METAP1: variants seen among roughly 807,000 people sequenced by gnomAD.
METAP1 encodes methionine aminopeptidase 1.
Under a neutral mutation model 53.8 loss-of-function variants are expected in METAP1, and 28 were observed. The observed-to-expected ratio is 0.52, with a 90% CI of 0.39 to 0.71. The LOEUF (loss-of-function observed/expected upper bound fraction) is 0.71, where lower values mean the gene tolerates loss of function less well. Among genes scored for constraint, METAP1 ranks in the 30% least tolerant of loss-of-function variants. The pLI, the probability that METAP1 is intolerant of heterozygous loss-of-function variation, is 0.00. For missense variants in METAP1, 389 were observed against 479.8 expected, an observed-to-expected ratio of 0.81 and a Z score of 1.77; for synonymous variants, 181 against 165.7, an observed-to-expected ratio of 1.09 and a Z score of -0.71.
chr4:99,054,036 T>C (rs2110418287), intron 9 of METAP1, among the ~76,000 whole-genome samples: 1 of 149,094 alleles, frequency 6.7e-6, no homozygotes, highest in Non-Finnish European at 1.5e-5. Context: ...TCTTTAGGAA[T>C]GGTAGATGAG....
intron 9 of METAP1, among the ~76,000 whole-genome samples, chr4:99,050,450 G>A (rs1726609909): frequency 6.6e-6 from 1 of 152,204 alleles, no homozygotes; most frequent in Admixed American, 6.5e-5. Flanking sequence ...GCAGGTGTGA[G>A]GTGGTAAAAT....
chr4:99,019,958 T>C (rs1723987682), intron 1 of METAP1, among the ~76,000 whole-genome samples: 1 of 152,294 alleles, frequency 6.6e-6, no homozygotes, highest in Middle Eastern at 3.4e-3. Flanking sequence ...GGGGTCTGGG[T>C]GCAGACTCCT....
chr4:99,004,510 C>T (rs1360499629), intron 1 of METAP1, among the ~76,000 whole-genome samples: 1 of 114,552 alleles, frequency 8.7e-6, no homozygotes, highest in Non-Finnish European at 2.0e-5. Flanking sequence ...CACACACACA[C>T]ACAAAATAAC....
At chr4:99,023,492 G>A (rs980963124) in intron 1 of METAP1, 26 of 985,102 alleles carry the variant, frequency 2.6e-5, no homozygotes, top group Non-Finnish European at 3.1e-5. Context: ...AACATTGTAT[G>A]GTGTGCTTAT....
At chr4:99,007,376 C>CT (rs1352862670) in intron 1 of METAP1, among the ~76,000 whole-genome samples, 3 of 151,872 alleles carry the variant, frequency 2.0e-5, no homozygotes, top group Admixed American at 1.3e-4. Flanking sequence ...TGCACAGGTA[C>CT]TTTTTTTTAA....
At chr4:99,003,777 A>G (rs573699602) in intron 1 of METAP1, among the ~76,000 whole-genome samples, 141 of 152,270 alleles carry the variant, frequency 9.3e-4, no homozygotes, top group Non-Finnish European at 1.7e-3. Flanking sequence ...AACCAAACCT[A>G]TGGGGGTTTC....
intron 2 of METAP1, among the ~76,000 whole-genome samples, chr4:99,031,862 T>A (rs371772411): frequency 1.4e-4 from 21 of 152,232 alleles, no homozygotes; most frequent in African/African-American, 5.1e-4. Flanking sequence ...TATCACGTAC[T>A]TATGACACTA....
At chr4:98,998,339 A>G (rs1159537923) in intron 1 of METAP1, among the ~76,000 whole-genome samples, 1 of 152,126 alleles carries the variant, frequency 6.6e-6, no homozygotes, top group Non-Finnish European at 1.5e-5. Flanking sequence ...ACTGGGCAAC[A>G]TGTCAAAACC....
rs74704546 is a variant in METAP1, at chr4:99,026,913, A to G, written c.115-1954A>G. 2,114 of 897,548 alleles carry G rather than the reference A, an allele frequency of 2.4e-3. 37 individuals carry two copies. The African/African-American group carries it at 0.036, about 15-fold the overall frequency. 55.6% of individuals were successfully genotyped at this position (897,548 alleles called of 1,614,324 possible). A position where few individuals can be genotyped will look rare whatever the true frequency, so the allele number is the denominator to read the frequency against. On this transcript the variant is annotated intron_variant, in intron 1 of 10. Transcript: ENST00000296411. ...TATTTTGGTTACTTTATGCTCATATATCTTGAAATACAAGCCCTTAGCTAA... is the reference window on the plus strand; with the variant it reads ...TATTTTGGTTACTTTATGCTCATATGTCTTGAAATACAAGCCCTTAGCTAA...
chr4:99,051,381 G>A (rs1282837076), intron 9 of METAP1, among the ~76,000 whole-genome samples: 1 of 152,082 alleles, frequency 6.6e-6, no homozygotes. Context: ...CAAAGACCCA[G>A]GTGTACTTTA....
chr4:99,017,868 C>A (rs1264258910), intron 1 of METAP1, among the ~76,000 whole-genome samples: 1 of 152,232 alleles, frequency 6.6e-6, no homozygotes, highest in African/African-American at 2.4e-5. Context: ...GACAGAAAGG[C>A]AACTGGTTGC....
chr4:99,022,603 G>A, intron 1 of METAP1: 1 of 694,108 alleles, frequency 1.4e-6, no homozygotes, highest in Non-Finnish European at 2.6e-6. Context: ...CTTGGCCTGA[G>A]TGACCTCCAC....
At chr4:99,038,332 G>A (rs944010033) in intron 4 of METAP1, among the ~76,000 whole-genome samples, 2 of 151,832 alleles carry the variant, frequency 1.3e-5, no homozygotes, top group Non-Finnish European at 1.5e-5. Context: ...TAATAGTGCC[G>A]ATAGTGGGCA....
chr4:99,041,803 G>C (rs1209537315), intron 6 of METAP1, among the ~76,000 whole-genome samples: 1 of 151,416 alleles, frequency 6.6e-6, no homozygotes, highest in Non-Finnish European at 1.5e-5. Flanking sequence ...CTTCTGCTTG[G>C]TGATGGTATT....
At chr4:99,050,841 T>A (rs995012301) in intron 9 of METAP1, among the ~76,000 whole-genome samples, 1 of 152,188 alleles carries the variant, frequency 6.6e-6, no homozygotes, top group Admixed American at 6.5e-5. Flanking sequence ...CCTCCTGGTC[T>A]GTGGAAAAAT....
At position 99,025,385 on chromosome 4, in the gene METAP1, A is replaced by G. The variant is rs555063093; in HGVS notation, c.115-3482A>G. On this transcript the variant is annotated intron_variant, in intron 1 of 10. Transcript: ENST00000296411. The stretch of plus-strand genomic sequence containing the variant: ...ATTTCAGTAGGAAATAACTTGTTCT[A>G]GAAGTGAAATGAGAGCACCTTCTCT... The G allele has an allele frequency of 2.9e-5, 29 of 985,434 alleles. 1 individual carries two copies. In the East Asian group the frequency reaches 3.1e-3, roughly 104 times the overall value. 61.0% of individuals were successfully genotyped at this position (985,434 alleles called of 1,614,324 possible).
At chr4:99,039,998 A>AT (rs1725742913) in intron 5 of METAP1, among the ~76,000 whole-genome samples, 1 of 152,192 alleles carries the variant, frequency 6.6e-6, no homozygotes, top group Non-Finnish European at 1.5e-5. Flanking sequence ...CAGTGCTGGG[A>AT]TTACAGGCGT....
At chr4:99,050,659 G>C (rs62325203) in intron 9 of METAP1, among the ~76,000 whole-genome samples, 5,293 of 152,278 alleles carry the variant, frequency 0.035, 116 homozygotes, top group African/African-American at 0.05. Flanking sequence ...AGCTCCACCT[G>C]CTGTCAGATC....
At chr4:99,037,264 G>A (rs974503529) in intron 4 of METAP1, among the ~76,000 whole-genome samples, 8 of 150,576 alleles carry the variant, frequency 5.3e-5, no homozygotes, top group African/African-American at 9.8e-5. Context: ...CCAATTGACC[G>A]TTTGTTTTGT....
Sources: gnomAD v4.1 joint callset for allele counts (sites outside exome capture counted in the v4.1 genomes callset) on GRCh38, gnomAD v4.1.1 for gene constraint, MANE v1.5 for transcripts, NCBI Gene and HGNC (gene_info 2026-07-23, HGNC 2026-07-21) for gene names.